The following TRPC6 variants were observed in gnomAD, a reference collection of about 807,000 sequenced individuals.
TRPC6 encodes transient receptor potential cation channel subfamily C member 6.
In TRPC6, 55 loss-of-function variants were observed where a neutral mutation model predicts 90.7. The ratio of observed to expected loss-of-function variants is 0.61; its 90% CI spans 0.49 to 0.76. TRPC6 has a LOEUF of 0.76. Among genes scored for constraint, TRPC6 ranks in the 30% least tolerant of loss-of-function variants. The probability of loss-of-function intolerance (pLI) is 0.00; values close to 1 mark genes in which losing one functional copy is unlikely to be tolerated. For synonymous variants in TRPC6, 393 were observed against 393.0 expected (o/e 1.00, Z 0.00); for missense variants, 989 against 1,122.7 (o/e 0.88, Z 1.70).
intron 1 of TRPC6, among the ~76,000 whole-genome samples, chr11:101,547,175 T>G (rs147583264): frequency 1.3e-5 from 2 of 152,306 alleles, no homozygotes; most frequent in East Asian, 3.9e-4. Context: ...ACTTTATATG[T>G]ATTATTTACT....
chr11:101,471,396 T>C lies in TRPC6; in HGVS notation c.2206-10A>G. ...CCACATCAGCGTCATCCTATACAAATACACATGACAGTTCAGCAAGGAAAT... is the reference window on the plus strand; with the variant it reads ...CCACATCAGCGTCATCCTATACAAACACACATGACAGTTCAGCAAGGAAAT... On this transcript the variant is annotated splice_polypyrimidine_tract_variant and intron_variant, in intron 8 of 12. Transcript: ENST00000344327. 1 of 1,613,526 alleles carries C rather than the reference T, an allele frequency of 6.2e-7. No homozygotes were observed. The highest frequency in any genetic ancestry group is 1.1e-5 in the South Asian group (1 of 91,066).
At chr11:101,511,550 A>C (rs1030728629) in intron 1 of TRPC6, among the ~76,000 whole-genome samples, 1 of 152,170 alleles carries the variant, frequency 6.6e-6, no homozygotes, top group Non-Finnish European at 1.5e-5. Flanking sequence ...GTTGAGCCAC[A>C]GTGTGTTCTA....
At chr11:101,536,970 G>A (rs1244315874) in intron 1 of TRPC6, among the ~76,000 whole-genome samples, 1 of 152,156 alleles carries the variant, frequency 6.6e-6, no homozygotes, top group East Asian at 1.9e-4. Flanking sequence ...AGAAATCTTG[G>A]AAAGGTAGAA....
chr11:101,507,105 T>A (rs1037514367), intron 1 of TRPC6, among the ~76,000 whole-genome samples: 3 of 151,458 alleles, frequency 2.0e-5, no homozygotes, highest in Non-Finnish European at 2.9e-5. Context: ...TGACTTTTTT[T>A]TAGATAACTA....
intron 1 of TRPC6, among the ~76,000 whole-genome samples, chr11:101,570,207 C>G (rs1480816240): frequency 6.6e-6 from 1 of 152,072 alleles, no homozygotes; most frequent in Non-Finnish European, 1.5e-5. Flanking sequence ...ACCGATCCCA[C>G]AGAAATACAA....
chr11:101,496,179 A>T (rs1859944526), intron 2 of TRPC6, among the ~76,000 whole-genome samples: 1 of 152,192 alleles, frequency 6.6e-6, no homozygotes, highest in South Asian at 2.1e-4. Context: ...CAGCAAGAGG[A>T]AAATCCATCC....
intron 1 of TRPC6, among the ~76,000 whole-genome samples, chr11:101,544,556 A>C (rs886670606): frequency 1.3e-5 from 2 of 152,218 alleles, no homozygotes; most frequent in Admixed American, 6.5e-5. Flanking sequence ...AGCCATAAAA[A>C]AGGATGAGTT....
At chr11:101,563,448 A>C (rs1481997650) in intron 1 of TRPC6, among the ~76,000 whole-genome samples, 1 of 152,154 alleles carries the variant, frequency 6.6e-6, no homozygotes, top group African/African-American at 2.4e-5. Flanking sequence ...TAGAAAACTG[A>C]AGCTTAAGGA....
At chr11:101,478,501 CTCTT>C (rs1213799006) in intron 5 of TRPC6, among the ~76,000 whole-genome samples, 2 of 142,384 alleles carry the variant, frequency 1.4e-5, no homozygotes, top group East Asian at 3.9e-4. Flanking sequence ...ATTTTCTTTT[CTCTT>C]TCTCTCTTTA....
chr11:101,467,031 T>C (rs1859164018), intron 10 of TRPC6, among the ~76,000 whole-genome samples: 1 of 152,170 alleles, frequency 6.6e-6, no homozygotes, highest in South Asian at 2.1e-4. Flanking sequence ...TTCTGTGGCC[T>C]GCACCCACTG....
rs1238300141 is a variant in TRPC6, at chr11:101,583,913, T to A, written c.-410A>T. On this transcript the variant is annotated 5_prime_UTR_variant, in exon 1 of 13. Transcript: ENST00000344327. The stretch of plus-strand genomic sequence containing the variant: ...CAGCTCCCGCCTTCATCCCCCGCAC[T>A]CTCCGTCAAGATCCCCACCTTTAAA... 5.9e-6 allele frequency: 1 copy of A among 169,636 alleles called. No homozygotes were observed. Among genetic ancestry groups the A allele is most frequent in the South Asian group, 2.0e-4 (1 of 5,014 alleles). The allele number at this position is 169,636 out of a possible 1,614,324, so 10.5% of individuals were successfully genotyped here.
intron 8 of TRPC6, among the ~76,000 whole-genome samples, chr11:101,471,872 G>A (rs538501121): frequency 6.6e-6 from 1 of 152,126 alleles, no homozygotes; most frequent in Admixed American, 6.6e-5. Flanking sequence ...TGCTGATATA[G>A]TATTTCTAAA....
At chr11:101,542,609 T>C (rs58618930) in intron 1 of TRPC6, among the ~76,000 whole-genome samples, 1 of 144,870 alleles carries the variant, frequency 6.9e-6, no homozygotes, top group Admixed American at 7.0e-5. Context: ...GCTACAGCAT[T>C]AAAAAAAAAA....
chr11:101,484,008 C>T (rs1258630737), intron 4 of TRPC6, among the ~76,000 whole-genome samples: 6 of 152,104 alleles, frequency 3.9e-5, no homozygotes, highest in Non-Finnish European at 7.4e-5. Context: ...AAAACTTAAG[C>T]TGTGTGTGCA....
intron 2 of TRPC6, among the ~76,000 whole-genome samples, chr11:101,499,098 C>T (rs573233626): frequency 2.6e-5 from 4 of 152,248 alleles, no homozygotes; most frequent in African/African-American, 7.2e-5. Flanking sequence ...AGAATGAACG[C>T]TTCTTGAGTG....
chr11:101,483,366 T>A (rs559247063), intron 4 of TRPC6, among the ~76,000 whole-genome samples: 1 of 152,222 alleles, frequency 6.6e-6, no homozygotes, highest in Non-Finnish European at 1.5e-5. Flanking sequence ...CATGTGCTGA[T>A]GTTCTTGATT....
chr11:101,502,849 A>T (rs548088405), intron 2 of TRPC6, among the ~76,000 whole-genome samples: 1 of 152,184 alleles, frequency 6.6e-6, no homozygotes, highest in South Asian at 2.1e-4. Flanking sequence ...AGATAGACAC[A>T]TGACATCTGA....
chr11:101,568,633 A>G (rs908355727), intron 1 of TRPC6, among the ~76,000 whole-genome samples: 3 of 152,252 alleles, frequency 2.0e-5, no homozygotes, highest in African/African-American at 7.2e-5. Flanking sequence ...GGTTACCCAC[A>G]TAGGGAAGCC....
At chr11:101,464,622 T>C (rs1343834984) in intron 10 of TRPC6, among the ~76,000 whole-genome samples, 1 of 152,170 alleles carries the variant, frequency 6.6e-6, no homozygotes, top group African/African-American at 2.4e-5. Flanking sequence ...CTGCTTTTTT[T>C]TTCTTGCTTT....
Sources: gnomAD v4.1 joint callset for allele counts (sites outside exome capture counted in the v4.1 genomes callset) on GRCh38, gnomAD v4.1.1 for gene constraint, MANE v1.5 for transcripts, NCBI Gene and HGNC (gene_info 2026-07-23, HGNC 2026-07-21) for gene names.